SH3BGRL2: variants seen among roughly 807,000 people sequenced by gnomAD.
SH3BGRL2 encodes the protein SH3 domain-binding glutamic acid-rich-like protein 2.
Under a neutral mutation model 14.8 loss-of-function variants are expected in SH3BGRL2, and 21 were observed. That is an observed-to-expected ratio of 1.42 (90% CI 1.01 to 2.05). The LOEUF (loss-of-function observed/expected upper bound fraction) is 2.05. Ranked by LOEUF, SH3BGRL2 falls within the 30% of genes most tolerant of loss-of-function variation. The probability of loss-of-function intolerance (pLI) is 0.00; values close to 1 mark genes in which losing one functional copy is unlikely to be tolerated. For synonymous variants in SH3BGRL2, 50 were observed against 47.8 expected (o/e 1.05, Z -0.19); for missense variants, 147 against 130.8 (o/e 1.12, Z -0.61).
chr6:79,621,680 G>C, the SH3BGRL2 span, among the ~76,000 whole-genome samples: 1 of 152,142 alleles, frequency 6.6e-6, no homozygotes, highest in Non-Finnish European at 1.5e-5. Context: ...TTTCTTGCTA[G>C]CAGAACCCCA....
chr6:79,590,455 A>ATATATATATATATATATATATATATG, the SH3BGRL2 span, among the ~76,000 whole-genome samples: 7 of 116,156 alleles, frequency 6.0e-5, no homozygotes, highest in East Asian at 1.1e-3. Context: ...ATATATATAT[A>ATATATATATATATATATATATATATG]TATATATATG....
the SH3BGRL2 span, among the ~76,000 whole-genome samples, chr6:79,596,763 A>G: frequency 6.6e-6 from 1 of 152,236 alleles, no homozygotes; most frequent in Non-Finnish European, 1.5e-5. Context: ...CTTTACAGAA[A>G]TTGACAAGCT....
At chr6:79,690,846 G>A (rs1770199397) in intron 2 of SH3BGRL2, among the ~76,000 whole-genome samples, 1 of 152,176 alleles carries the variant, frequency 6.6e-6, no homozygotes, top group Admixed American at 6.5e-5. Context: ...GAGCCCTGGA[G>A]TTCAAGATCA....
the SH3BGRL2 span, among the ~76,000 whole-genome samples, chr6:79,576,795 TC>T: frequency 6.6e-6 from 1 of 152,176 alleles, no homozygotes. Flanking sequence ...TCTAAGGCAT[TC>T]CCCACCCCAA....
At chr6:79,624,217 C>T in the SH3BGRL2 span, among the ~76,000 whole-genome samples, 1 of 151,112 alleles carries the variant, frequency 6.6e-6, no homozygotes, top group African/African-American at 2.4e-5. Context: ...GTTGTCATCT[C>T]CTGACCTGGA....
At chr6:79,623,205 C>T in the SH3BGRL2 span, among the ~76,000 whole-genome samples, 1 of 151,770 alleles carries the variant, frequency 6.6e-6, no homozygotes, top group African/African-American at 2.4e-5. Flanking sequence ...ACTCAGGAAC[C>T]TGAGGTGGGA....
intron 2 of SH3BGRL2, among the ~76,000 whole-genome samples, chr6:79,689,681 A>C (rs536162545): frequency 6.6e-6 from 1 of 152,092 alleles, no homozygotes; most frequent in South Asian, 2.1e-4. Context: ...GTTTATATAT[A>C]TGAAACTTGC....
the SH3BGRL2 span, among the ~76,000 whole-genome samples, chr6:79,570,397 G>A: frequency 6.6e-6 from 1 of 152,082 alleles, no homozygotes; most frequent in African/African-American, 2.4e-5. Flanking sequence ...ACTCACTGCT[G>A]GAAAGATAGG....
At chr6:79,686,274 C>T (rs544616916) in intron 2 of SH3BGRL2, among the ~76,000 whole-genome samples, 1 of 152,114 alleles carries the variant, frequency 6.6e-6, no homozygotes, top group Admixed American at 6.5e-5. Flanking sequence ...AAACTAGTGT[C>T]TTTTTTCACT....
At chr6:79,679,484 T>G (rs1769948771) in intron 2 of SH3BGRL2, among the ~76,000 whole-genome samples, 1 of 152,128 alleles carries the variant, frequency 6.6e-6, no homozygotes, top group Non-Finnish European at 1.5e-5. Context: ...TTAAGTTCCT[T>G]ATAAATTCTG....
At chr6:79,589,498 C>T in the SH3BGRL2 span, among the ~76,000 whole-genome samples, 2 of 151,930 alleles carry the variant, frequency 1.3e-5, no homozygotes, top group Non-Finnish European at 2.9e-5. Context: ...ATAATCAAAT[C>T]ATTGAAGAGC....
At chr6:79,590,960 C>G in the SH3BGRL2 span, among the ~76,000 whole-genome samples, 1 of 152,112 alleles carries the variant, frequency 6.6e-6, no homozygotes, top group Non-Finnish European at 1.5e-5. Context: ...ATCTACATCC[C>G]TAAAACATTT....
the SH3BGRL2 span, among the ~76,000 whole-genome samples, chr6:79,601,363 T>A: frequency 0.019 from 2,819 of 152,136 alleles, 86 homozygotes; most frequent in African/African-American, 0.064. Flanking sequence ...TAATTTTTTT[T>A]AAAAAATGTT....
chr6:79,654,692 T>G (rs1769368942), intron 1 of SH3BGRL2, among the ~76,000 whole-genome samples: 1 of 152,188 alleles, frequency 6.6e-6, no homozygotes. Flanking sequence ...GGAGAAATAT[T>G]TTGATAGATG....
At chr6:79,545,978 C>T in the SH3BGRL2 span, among the ~76,000 whole-genome samples, 2 of 152,082 alleles carry the variant, frequency 1.3e-5, no homozygotes, top group Non-Finnish European at 2.9e-5. Context: ...ATAACACTGA[C>T]TTTCCAGGGA....
chr6:79,600,584 A>G, the SH3BGRL2 span, among the ~76,000 whole-genome samples: 1 of 152,124 alleles, frequency 6.6e-6, no homozygotes, highest in Non-Finnish European at 1.5e-5. Context: ...TGCCCCACAG[A>G]ACCAGGCATG....
At chr6:79,635,918 T>G (rs1487505349) in intron 1 of SH3BGRL2, among the ~76,000 whole-genome samples, 1 of 152,234 alleles carries the variant, frequency 6.6e-6, no homozygotes, top group Non-Finnish European at 1.5e-5. Context: ...TCCCCGTGAA[T>G]GTATTCAGTG....
intron 1 of SH3BGRL2, among the ~76,000 whole-genome samples, chr6:79,661,045 C>T (rs558619564): frequency 5.9e-5 from 9 of 151,906 alleles, no homozygotes; most frequent in South Asian, 2.1e-4. Context: ...TTATTGCTAG[C>T]GGTCTATCAG....
chr6:79,586,355 CCT>C, the SH3BGRL2 span, among the ~76,000 whole-genome samples: 1 of 146,682 alleles, frequency 6.8e-6, no homozygotes. Context: ...AGCAGAAACA[CCT>C]CTGCTCTAAA....
Sources: gnomAD v4.1 joint callset for allele counts (sites outside exome capture counted in the v4.1 genomes callset) on GRCh38, gnomAD v4.1.1 for gene constraint, MANE v1.5 for transcripts, NCBI Gene and HGNC (gene_info 2026-07-23, HGNC 2026-07-21) for gene names.